The following PPARGC1A variants were observed in gnomAD, a reference collection of about 807,000 sequenced individuals.
The protein encoded by PPARGC1A is peroxisome proliferator-activated receptor gamma coactivator 1-alpha.
Under a neutral mutation model 88.7 loss-of-function variants are expected in PPARGC1A, and 25 were observed. That is an observed-to-expected ratio of 0.28 (90% CI 0.21 to 0.39). The LOEUF is 0.39. Ranked by LOEUF, PPARGC1A falls within the 10% of genes least tolerant of loss-of-function variation. PPARGC1A has a pLI of 1.00. For missense variants in PPARGC1A, 880 were observed against 968.7 expected, an observed-to-expected ratio of 0.91 and a Z score of 1.22; for synonymous variants, 363 against 355.6, an observed-to-expected ratio of 1.02 and a Z score of -0.24.
the PPARGC1A span, among the ~76,000 whole-genome samples, chr4:24,287,300 T>A: frequency 3.2e-4 from 49 of 151,990 alleles, no homozygotes; most frequent in Non-Finnish European, 6.3e-4. Flanking sequence ...AGTCACAAAA[T>A]CTCACACTCA....
At chr4:24,087,464 G>A in the PPARGC1A span, among the ~76,000 whole-genome samples, 1 of 152,174 alleles carries the variant, frequency 6.6e-6, no homozygotes, top group Non-Finnish European at 1.5e-5. Flanking sequence ...TTGTTTTAAA[G>A]GAAACCATCC....
the PPARGC1A span, among the ~76,000 whole-genome samples, chr4:24,427,333 T>C: frequency 6.6e-6 from 1 of 150,760 alleles, no homozygotes; most frequent in African/African-American, 2.4e-5. Context: ...CAGGCTAGAG[T>C]GCAGTGATGT....
chr4:24,218,687 C>T, the PPARGC1A span, among the ~76,000 whole-genome samples: 2 of 152,222 alleles, frequency 1.3e-5, no homozygotes, highest in African/African-American at 4.8e-5. Context: ...CAATTCAGCT[C>T]TGGCCCAGAC....
upstream of PPARGC1A, among the ~76,000 whole-genome samples, chr4:23,907,887 T>C (rs74548992): frequency 6.6e-6 from 1 of 152,290 alleles, no homozygotes; most frequent in African/African-American, 2.4e-5. Context: ...CAAACATGTA[T>C]GGGAAGCAGC....
chr4:24,421,810 T>C, the PPARGC1A span, among the ~76,000 whole-genome samples: 1 of 152,266 alleles, frequency 6.6e-6, no homozygotes, highest in East Asian at 1.9e-4. Context: ...CAATTAGTAG[T>C]ACATGCCTTT....
At chr4:23,921,654 G>A in the PPARGC1A span, among the ~76,000 whole-genome samples, 3 of 152,200 alleles carry the variant, frequency 2.0e-5, no homozygotes, top group African/African-American at 2.4e-5. Context: ...CGCACTTTGT[G>A]TGTGGCTCTC....
the PPARGC1A span, among the ~76,000 whole-genome samples, chr4:24,372,600 C>T: frequency 3.9e-5 from 6 of 152,160 alleles, no homozygotes; most frequent in Non-Finnish European, 7.3e-5. Context: ...TAGTCTTATC[C>T]AGAGAACGGC....
the PPARGC1A span, among the ~76,000 whole-genome samples, chr4:23,936,345 A>G: frequency 2.6e-4 from 40 of 152,334 alleles, no homozygotes; most frequent in African/African-American, 9.4e-4. Context: ...AAGACCCAGA[A>G]TATGAACCAG....
chr4:24,054,553 T>C, the PPARGC1A span, among the ~76,000 whole-genome samples: 1 of 152,232 alleles, frequency 6.6e-6, no homozygotes, highest in Admixed American at 6.5e-5. Context: ...TGTAGTGTGG[T>C]AGGTGTTTAA....
the PPARGC1A span, among the ~76,000 whole-genome samples, chr4:24,468,170 C>A: frequency 6.6e-6 from 1 of 152,186 alleles, no homozygotes. Context: ...CAGTAATAAC[C>A]ACTCCACAGT....
chr4:24,005,850 A>C, the PPARGC1A span, among the ~76,000 whole-genome samples: 1 of 152,048 alleles, frequency 6.6e-6, no homozygotes, highest in Non-Finnish European at 1.5e-5. Flanking sequence ...TTATGATTCC[A>C]TTATTATACA....
the PPARGC1A span, among the ~76,000 whole-genome samples, chr4:24,257,294 A>G: frequency 6.6e-6 from 1 of 152,296 alleles, no homozygotes; most frequent in African/African-American, 2.4e-5. Flanking sequence ...CTACAGCTGC[A>G]TGAATCCAAG....
At chr4:24,450,875 T>C in the PPARGC1A span, among the ~76,000 whole-genome samples, 1 of 152,240 alleles carries the variant, frequency 6.6e-6, no homozygotes, top group African/African-American at 2.4e-5. Flanking sequence ...TCTCTGCCTC[T>C]TGTTGTCCCT....
At chr4:24,224,725 T>C in the PPARGC1A span, among the ~76,000 whole-genome samples, 1 of 151,528 alleles carries the variant, frequency 6.6e-6, no homozygotes, top group South Asian at 2.1e-4. Flanking sequence ...AATAAGCAAA[T>C]AAAGAAAACA....
At chr4:23,881,483 T>C (rs115236251) in intron 2 of PPARGC1A, among the ~76,000 whole-genome samples, 2,794 of 152,280 alleles carry the variant, frequency 0.018, 81 homozygotes, top group African/African-American at 0.064. Flanking sequence ...GTTTGTGATG[T>C]TAAATAAAAA....
At chr4:24,435,649 C>T in the PPARGC1A span, among the ~76,000 whole-genome samples, 1 of 152,198 alleles carries the variant, frequency 6.6e-6, no homozygotes, top group Admixed American at 6.5e-5. Flanking sequence ...GAGCTAAGCC[C>T]ACAGCTGGCA....
At chr4:23,805,675 G>A (rs959532617) in intron 10 of PPARGC1A, among the ~76,000 whole-genome samples, 3 of 152,156 alleles carry the variant, frequency 2.0e-5, no homozygotes, top group Non-Finnish European at 4.4e-5. Flanking sequence ...ACAGCCAAAT[G>A]TGATGGGACT....
chr4:24,189,003 T>G, the PPARGC1A span, among the ~76,000 whole-genome samples: 1 of 152,122 alleles, frequency 6.6e-6, no homozygotes, highest in East Asian at 1.9e-4. Flanking sequence ...ACAACATGGA[T>G]GAACCTTGAG....
the PPARGC1A span, among the ~76,000 whole-genome samples, chr4:24,289,004 G>A: frequency 1.2e-4 from 19 of 152,164 alleles, no homozygotes; most frequent in Non-Finnish European, 2.1e-4. Flanking sequence ...GGTGGATCAC[G>A]ACGTCAGGAG....
Sources: gnomAD v4.1 joint callset for allele counts (sites outside exome capture counted in the v4.1 genomes callset) on GRCh38, gnomAD v4.1.1 for gene constraint, MANE v1.5 for transcripts, NCBI Gene and HGNC (gene_info 2026-07-23, HGNC 2026-07-21) for gene names.